The following RBFOX1 variants were observed in gnomAD, a reference collection of about 807,000 sequenced individuals.
RBFOX1 encodes RNA binding protein fox-1 homolog 1.
A neutral mutation model predicts 57.7 loss-of-function variants in RBFOX1; 8 were observed. The ratio of observed to expected loss-of-function variants is 0.14; its 90% CI spans 0.08 to 0.25. RBFOX1 has a LOEUF of 0.25. RBFOX1 is among the 10% of genes least tolerant of loss of function. RBFOX1 has a pLI of 1.00. For synonymous variants in RBFOX1, 326 were observed against 222.4 expected, an observed-to-expected ratio of 1.47 and a Z score of -4.15; for missense variants, 611 against 548.5, an observed-to-expected ratio of 1.11 and a Z score of -1.14.
chr16:5,395,894 T>C (rs1179647447), intron 1 of RBFOX1, among the ~76,000 whole-genome samples: 1 of 152,192 alleles, frequency 6.6e-6, no homozygotes, highest in Non-Finnish European at 1.5e-5. Context: ...ACTGAAGCCG[T>C]TGGTCCTGCA....
chr16:7,346,644 C>T lies in RBFOX1; in HGVS notation c.28-171503C>T, dbSNP rs904506493. Among the ~76,000 whole-genome samples, 8 of 152,022 alleles carry T rather than the reference C, an allele frequency of 5.3e-5. No homozygotes were observed. In the East Asian group the frequency reaches 6.0e-4, roughly 11 times the overall value. On this transcript the variant is annotated intron_variant, in intron 4 of 15. Coordinates refer to ENST00000550418, the MANE Select transcript of RBFOX1 (RefSeq NM_018723.4). Reference sequence around the variant, plus strand: ...CCCATGTGGCCCACGGGCATTGCTTCGTTCAAGCCTTTGTGTTCAGATCTG... The same window carrying T: ...CCCATGTGGCCCACGGGCATTGCTTTGTTCAAGCCTTTGTGTTCAGATCTG...
At chr16:6,417,615 C>CG (rs1410476934) in intron 2 of RBFOX1, among the ~76,000 whole-genome samples, 2 of 142,106 alleles carry the variant, frequency 1.4e-5, no homozygotes, top group African/African-American at 6.1e-5. Context: ...GTCTTGAACT[C>CG]CTGACCTCAG....
At chr16:6,953,717 C>G (rs888633158) in intron 3 of RBFOX1, among the ~76,000 whole-genome samples, 3 of 152,156 alleles carry the variant, frequency 2.0e-5, no homozygotes, top group Non-Finnish European at 4.4e-5. Flanking sequence ...CACATACATA[C>G]ATATAAATAT....
At chr16:7,383,267 T>TAA (rs201018914) in intron 4 of RBFOX1, among the ~76,000 whole-genome samples, 24 of 134,776 alleles carry the variant, frequency 1.8e-4, no homozygotes, top group African/African-American at 4.6e-4. Flanking sequence ...CCATAAAAAT[T>TAA]AAAAAAAAAA....
chr16:7,479,774 C>T (rs1048328388), intron 4 of RBFOX1, among the ~76,000 whole-genome samples: 1 of 152,180 alleles, frequency 6.6e-6, no homozygotes, highest in East Asian at 1.9e-4. Flanking sequence ...GTGGCATCAG[C>T]TCCACATTCT....
At position 6,605,233 on chromosome 16, in the gene RBFOX1, A is replaced by G. The variant is rs1368193411; in HGVS notation, c.-63-49370A>G. Among the ~76,000 whole-genome samples, 4 of 150,642 alleles carry G rather than the reference A, an allele frequency of 2.7e-5. No individual in the cohort carries two copies. The East Asian group carries it at 7.8e-4, about 29-fold the overall frequency. The stretch of plus-strand genomic sequence containing the variant: ...GGTGACAGAGCAAGACCCTCTCTCA[A>G]AATAAAATAATAATTTATAATGAAA... On this transcript the variant is annotated intron_variant, in intron 2 of 15. Transcript: ENST00000550418.
rs376130488 is a variant in RBFOX1, at chr16:6,266,669, G to A, written c.-126-50326G>A. Among the ~76,000 whole-genome samples, 60 of 151,256 alleles carry A rather than the reference G, an allele frequency of 4.0e-4. No homozygotes were observed. The East Asian group carries it at 6.1e-3, about 15-fold the overall frequency. ...GCGAAGGTTGCAGTGAGCTGAGATC[G>A]CGCCATTGCACTCCAGCCTGGGTGA... On this transcript the variant is annotated intron_variant, in intron 1 of 15. Coordinates refer to ENST00000550418, the MANE Select transcript of RBFOX1 (RefSeq NM_018723.4).
At chr16:7,303,764 T>G (rs1365696164) in intron 4 of RBFOX1, among the ~76,000 whole-genome samples, 1 of 122,498 alleles carries the variant, frequency 8.2e-6, no homozygotes, top group East Asian at 2.0e-4. Context: ...CCTCTCGCTC[T>G]CTCTCTCTCT....
chr16:5,727,652 G>A (rs536120689), intron 3 of RBFOX1, among the ~76,000 whole-genome samples: 3 of 152,106 alleles, frequency 2.0e-5, no homozygotes, highest in East Asian at 3.9e-4. Context: ...CAAGCTCTTG[G>A]TGACCACAGT....
chr16:6,713,516 C>T (rs1478929893), intron 3 of RBFOX1, among the ~76,000 whole-genome samples: 1 of 152,010 alleles, frequency 6.6e-6, no homozygotes, highest in Non-Finnish European at 1.5e-5. Context: ...CTGGCCTCTA[C>T]CCACTAGATG....
At chr16:6,324,226 C>G (rs957373015) in intron 2 of RBFOX1, among the ~76,000 whole-genome samples, 1 of 125,000 alleles carries the variant, frequency 8.0e-6, no homozygotes, top group Admixed American at 1.1e-4. Context: ...TTTACAAGAA[C>G]TACATAACTC....
At chr16:6,331,546 T>C (rs2083031723) in intron 2 of RBFOX1, among the ~76,000 whole-genome samples, 2 of 145,472 alleles carry the variant, frequency 1.4e-5, no homozygotes, top group Admixed American at 6.8e-5. Flanking sequence ...TCTCTCTCTC[T>C]ATATATATAT....
At chr16:6,290,282 G>A (rs1190832627) in intron 1 of RBFOX1, among the ~76,000 whole-genome samples, 2 of 149,422 alleles carry the variant, frequency 1.3e-5, no homozygotes, top group East Asian at 2.0e-4. Flanking sequence ...TATGGAGAAG[G>A]GGTAAGAAAA....
At chr16:7,397,861 A>C (rs534485021) in intron 4 of RBFOX1, among the ~76,000 whole-genome samples, 160 of 152,196 alleles carry the variant, frequency 1.1e-3, no homozygotes, top group Non-Finnish European at 2.0e-3. Context: ...CTCTTAGTCT[A>C]TTGGAACCTT....
chr16:6,463,762 C>A (rs754042131), intron 2 of RBFOX1, among the ~76,000 whole-genome samples: 2 of 152,190 alleles, frequency 1.3e-5, no homozygotes, highest in Non-Finnish European at 2.9e-5. Context: ...CAAGTTTCAT[C>A]TTATTCCCTG....
chr16:6,378,088 C>T (rs1455026544), intron 2 of RBFOX1, among the ~76,000 whole-genome samples: 1 of 152,252 alleles, frequency 6.6e-6, no homozygotes, highest in East Asian at 1.9e-4. Flanking sequence ...AGGGGCTCCA[C>T]CCTGTGCCCG....
At chr16:5,634,573 A>T (rs557903873) in intron 3 of RBFOX1, among the ~76,000 whole-genome samples, 1 of 152,308 alleles carries the variant, frequency 6.6e-6, no homozygotes, top group South Asian at 2.1e-4. Flanking sequence ...AGCCAGTGTA[A>T]GTCAGGATGG....
At chr16:6,845,939 G>A (rs1359472250) in intron 3 of RBFOX1, among the ~76,000 whole-genome samples, 3 of 152,146 alleles carry the variant, frequency 2.0e-5, no homozygotes, top group Non-Finnish European at 4.4e-5. Context: ...ACCTGCCATG[G>A]ACAGCAGATG....
chr16:6,177,593 C>T (rs533257068), intron 1 of RBFOX1, among the ~76,000 whole-genome samples: 26 of 152,156 alleles, frequency 1.7e-4, no homozygotes, highest in Admixed American at 7.9e-4. Flanking sequence ...CTATGAAAAA[C>T]GGAAAACAAG....
Sources: gnomAD v4.1 joint callset for allele counts (sites outside exome capture counted in the v4.1 genomes callset) on GRCh38, gnomAD v4.1.1 for gene constraint, MANE v1.5 for transcripts, NCBI Gene and HGNC (gene_info 2026-07-23, HGNC 2026-07-21) for gene names.